LARGE1: variants seen among roughly 807,000 people sequenced by gnomAD.
The protein encoded by LARGE1 is LARGE xylosyl- and glucuronyltransferase 1.
Under a neutral mutation model 87.6 loss-of-function variants are expected in LARGE1, and 43 were observed. The ratio of observed to expected loss-of-function variants is 0.49; its 90% CI spans 0.38 to 0.63. The LOEUF is 0.63. Ranked by LOEUF, LARGE1 falls within the 30% of genes least tolerant of loss-of-function variation. LARGE1 has a pLI of 0.00. For synonymous variants in LARGE1, 434 were observed against 394.6 expected (o/e 1.10, Z -1.18); for missense variants, 802 against 1,000.2 (o/e 0.80, Z 2.67).
At chr22:33,102,268 A>G in the LARGE1 span, among the ~76,000 whole-genome samples, 2 of 151,784 alleles carry the variant, frequency 1.3e-5, no homozygotes, top group African/African-American at 4.8e-5. Flanking sequence ...TCCTGGGTTC[A>G]AGCGATTCTC....
intron 1 of LARGE1, among the ~76,000 whole-genome samples, chr22:33,776,254 G>A (rs1382130575): frequency 6.6e-6 from 1 of 152,302 alleles, no homozygotes; most frequent in Admixed American, 6.5e-5. Context: ...TAAAAGGGCA[G>A]GAACTCAAGT....
intron 6 of LARGE1, among the ~76,000 whole-genome samples, chr22:33,551,636 A>T (rs891306905): frequency 6.6e-6 from 1 of 152,146 alleles, no homozygotes. Context: ...TCAACAAGCC[A>T]TTTGTTTCTT....
intron 9 of LARGE1, among the ~76,000 whole-genome samples, chr22:33,344,105 T>A (rs1939464196): frequency 6.6e-6 from 1 of 152,186 alleles, no homozygotes; most frequent in Non-Finnish European, 1.5e-5. Context: ...TAAGGGTGGA[T>A]TTGCCTTCTC....
At chr22:33,871,205 T>C (rs1056282452) in intron 1 of LARGE1, among the ~76,000 whole-genome samples, 4 of 152,234 alleles carry the variant, frequency 2.6e-5, no homozygotes, top group Non-Finnish European at 5.9e-5. Flanking sequence ...AACGTATATT[T>C]ATATTCATTT....
intron 6 of LARGE1, among the ~76,000 whole-genome samples, chr22:33,536,914 C>G (rs2077060161): frequency 6.6e-6 from 1 of 152,232 alleles, no homozygotes; most frequent in South Asian, 2.1e-4. Context: ...CGGGTTCAAG[C>G]GATTTTCCTG....
chr22:33,333,170 C>T (rs1937963232), intron 10 of LARGE1, among the ~76,000 whole-genome samples: 1 of 152,184 alleles, frequency 6.6e-6, no homozygotes, highest in South Asian at 2.1e-4. Flanking sequence ...CAGGCGCCCA[C>T]CACCAAGCTC....
chr22:33,149,251 C>G, the LARGE1 span, among the ~76,000 whole-genome samples: 9 of 151,802 alleles, frequency 5.9e-5, no homozygotes, highest in Non-Finnish European at 1.2e-4. Context: ...ACTGTGTTAG[C>G]CAGGATGGTC....
chr22:33,226,321 C>T (rs967936773), intron 11 of LARGE1, among the ~76,000 whole-genome samples: 2 of 152,212 alleles, frequency 1.3e-5, no homozygotes, highest in South Asian at 2.1e-4. Flanking sequence ...ATTTCTCCAC[C>T]GTAGTAGAAC....
intron 1 of LARGE1, among the ~76,000 whole-genome samples, chr22:33,810,657 T>G (rs1214836759): frequency 6.6e-6 from 1 of 151,876 alleles, no homozygotes; most frequent in Non-Finnish European, 1.5e-5. Flanking sequence ...GATCCCAGAG[T>G]GAAGACAGCA....
At chr22:33,467,204 T>C (rs984913395) in intron 6 of LARGE1, among the ~76,000 whole-genome samples, 1 of 152,214 alleles carries the variant, frequency 6.6e-6, no homozygotes, top group African/African-American at 2.4e-5. Flanking sequence ...TCCCACCTCA[T>C]AGCTGTATCT....
the LARGE1 span, among the ~76,000 whole-genome samples, chr22:33,083,020 C>T: frequency 2.6e-5 from 4 of 151,988 alleles, no homozygotes; most frequent in Non-Finnish European, 5.9e-5. Context: ...GTGAAGACTC[C>T]GTCTCAAAAT....
At chr22:33,217,928 CT>C (rs144182459) in intron 11 of LARGE1, among the ~76,000 whole-genome samples, 3,985 of 150,798 alleles carry the variant, frequency 0.026, 171 homozygotes, top group African/African-American at 0.089. Flanking sequence ...CTTATCATAA[CT>C]TTTTTTTTCT....
chr22:33,890,734 G>A (rs2146828364), intron 1 of LARGE1, among the ~76,000 whole-genome samples: 2 of 130,508 alleles, frequency 1.5e-5, no homozygotes, highest in South Asian at 5.2e-4. Flanking sequence ...TGATAAGCCA[G>A]CCCTCATAGG....
intron 2 of LARGE1, among the ~76,000 whole-genome samples, chr22:33,734,164 A>G (rs553596211): frequency 6.6e-6 from 1 of 152,332 alleles, no homozygotes; most frequent in African/African-American, 2.4e-5. Flanking sequence ...GCACAAGGAC[A>G]CAGTCAAATT....
the LARGE1 span, among the ~76,000 whole-genome samples, chr22:33,111,963 T>G: frequency 6.6e-6 from 1 of 152,128 alleles, no homozygotes; most frequent in Non-Finnish European, 1.5e-5. Flanking sequence ...AAGTCCAATA[T>G]AGCTGGAACG....
chr22:33,567,584 T>G (rs1164335060), intron 5 of LARGE1, among the ~76,000 whole-genome samples: 1 of 152,198 alleles, frequency 6.6e-6, no homozygotes, highest in African/African-American at 2.4e-5. Context: ...TTTCTGCTAT[T>G]TATAAAGGTC....
At chr22:33,588,246 T>C (rs1408639372) in intron 5 of LARGE1, among the ~76,000 whole-genome samples, 1 of 152,168 alleles carries the variant, frequency 6.6e-6, no homozygotes, top group Non-Finnish European at 1.5e-5. Context: ...CCAATACCCA[T>C]GCATCAAAGG....
intron 1 of LARGE1, among the ~76,000 whole-genome samples, chr22:33,860,156 TA>T (rs201310427): frequency 6.6e-6 from 1 of 151,840 alleles, no homozygotes; most frequent in Non-Finnish European, 1.5e-5. Flanking sequence ...TTTTTTAAAT[TA>T]AAAAAAAATT....
chr22:33,713,262 C>G (rs2082793692), intron 2 of LARGE1, among the ~76,000 whole-genome samples: 1 of 151,690 alleles, frequency 6.6e-6, no homozygotes, highest in Non-Finnish European at 1.5e-5. Context: ...GAGTTGGTTT[C>G]AAAAAAAAGT....
Sources: gnomAD v4.1 joint callset for allele counts (sites outside exome capture counted in the v4.1 genomes callset) on GRCh38, gnomAD v4.1.1 for gene constraint, MANE v1.5 for transcripts, NCBI Gene and HGNC (gene_info 2026-07-23, HGNC 2026-07-21) for gene names.